Variants in MCU observed in about 807,000 individuals in gnomAD.
The protein encoded by MCU is calcium uniporter protein, mitochondrial.
A neutral mutation model predicts 45.2 loss-of-function variants in MCU; 12 were observed. The ratio of observed to expected loss-of-function variants is 0.27; its 90% CI spans 0.17 to 0.43. The LOEUF (loss-of-function observed/expected upper bound fraction) is 0.43. Among genes scored for constraint, MCU ranks in the 20% least tolerant of loss-of-function variants. The pLI, the probability that MCU is intolerant of heterozygous loss-of-function variation, is 1.00. For missense variants in MCU, 324 were observed against 436.7 expected (o/e 0.74, Z 2.30); for synonymous variants, 160 against 165.1 (o/e 0.97, Z 0.24).
intron 1 of MCU, among the ~76,000 whole-genome samples, chr10:72,806,405 C>G (rs1216562324): frequency 6.6e-6 from 1 of 152,146 alleles, no homozygotes; most frequent in Non-Finnish European, 1.5e-5. Context: ...GCTGATCCGC[C>G]CATCTTGGCC....
At chr10:72,697,908 T>C (rs1049200802) in intron 1 of MCU, among the ~76,000 whole-genome samples, 1 of 151,978 alleles carries the variant, frequency 6.6e-6, no homozygotes, top group African/African-American at 2.4e-5. Context: ...GCTGGGTATA[T>C]AGGCATGTGA....
At chr10:72,834,161 C>T (rs145667327) in intron 1 of MCU, among the ~76,000 whole-genome samples, 198 bp from the exon 2 acceptor site, 6 of 152,178 alleles carry the variant, frequency 3.9e-5, no homozygotes, top group African/African-American at 1.2e-4. Flanking sequence ...TGAAAACATA[C>T]CAAAATGTTC....
intron 1 of MCU, among the ~76,000 whole-genome samples, chr10:72,745,685 A>G (rs1410338706): frequency 6.6e-6 from 1 of 152,202 alleles, no homozygotes; most frequent in Non-Finnish European, 1.5e-5. Flanking sequence ...AATATGGTAT[A>G]TTACCATATA....
chr10:72,743,781 G>C (rs1280036177), intron 1 of MCU, among the ~76,000 whole-genome samples: 1 of 152,142 alleles, frequency 6.6e-6, no homozygotes, highest in Admixed American at 6.6e-5. Flanking sequence ...ATTTATATGT[G>C]TATGATGGAA....
intron 1 of MCU, among the ~76,000 whole-genome samples, chr10:72,802,031 A>G (rs139226291): frequency 2.0e-5 from 3 of 152,114 alleles, no homozygotes; most frequent in Non-Finnish European, 4.4e-5. Flanking sequence ...TAAGCCACCT[A>G]TGTGGTCTTT....
At chr10:72,746,396 TTTTAAC>T (rs1208286695) in intron 1 of MCU, among the ~76,000 whole-genome samples, 5 of 152,222 alleles carry the variant, frequency 3.3e-5, no homozygotes, top group African/African-American at 7.2e-5. Flanking sequence ...CGTACAGGCG[TTTTAAC>T]TTTAAGTAGA....
chr10:72,885,904 C>A lies in MCU; in HGVS notation c.*82C>A. ...AAGCATTGCAGGTGGAAGCTGGGAGCCATGTGGGGGGTAGAGCGTTTTTAC... is the reference window on the plus strand; with the variant it reads ...AAGCATTGCAGGTGGAAGCTGGGAGACATGTGGGGGGTAGAGCGTTTTTAC... On this transcript the variant is annotated 3_prime_UTR_variant, in exon 8 of 8. Coordinates refer to ENST00000373053, the MANE Select transcript of MCU (RefSeq NM_138357.3). 9.0e-7 allele frequency: 1 copy of A among 1,108,654 alleles called. No homozygotes were observed. Among genetic ancestry groups the A allele is most frequent in the Non-Finnish European group, 1.4e-6 (1 of 730,056 alleles). 68.7% of individuals were successfully genotyped at this position (1,108,654 alleles called of 1,614,324 possible).
chr10:72,785,690 G>C (rs139142659), intron 1 of MCU, among the ~76,000 whole-genome samples: 1 of 152,248 alleles, frequency 6.6e-6, no homozygotes, highest in African/African-American at 2.4e-5. Context: ...TCTGTAACTT[G>C]TATCTGTAGT....
chr10:72,792,776 A>G (rs1458550544), intron 1 of MCU, among the ~76,000 whole-genome samples: 1 of 141,224 alleles, frequency 7.1e-6, no homozygotes, highest in African/African-American at 2.6e-5. Flanking sequence ...TCTTCTCAGG[A>G]GTTTGCGTCA....
intron 1 of MCU, among the ~76,000 whole-genome samples, chr10:72,732,733 AT>A: frequency 6.6e-6 from 1 of 152,270 alleles, no homozygotes; most frequent in Non-Finnish European, 1.5e-5. Flanking sequence ...TAACATTTTG[AT>A]TATGTATTTG....
At chr10:72,718,845 T>C (rs1250321140) in intron 1 of MCU, among the ~76,000 whole-genome samples, 1 of 152,198 alleles carries the variant, frequency 6.6e-6, no homozygotes, top group Non-Finnish European at 1.5e-5. Flanking sequence ...TGCATGGTTC[T>C]CACAAATAAT....
intron 1 of MCU, among the ~76,000 whole-genome samples, chr10:72,751,501 T>A (rs558405924): frequency 6.7e-6 from 1 of 150,020 alleles, no homozygotes; most frequent in African/African-American, 2.5e-5. Context: ...ACTACAGGCA[T>A]GCACCACAAT....
chr10:72,714,071 G>C lies in MCU; in HGVS notation c.150+21770G>C, dbSNP rs188582036. Reference sequence around the variant, plus strand: ...AACCTCCGCATCCCTGGTTCAAGCAGTTCTCCTACCTCAGCCTCCCGAGTA... The same window carrying C: ...AACCTCCGCATCCCTGGTTCAAGCACTTCTCCTACCTCAGCCTCCCGAGTA... On this transcript the variant is annotated intron_variant, in intron 1 of 7. Transcript: ENST00000373053. Among the ~76,000 whole-genome samples the C allele has an allele frequency of 1.9e-4, 28 of 151,036 alleles. 1 individual carries two copies. Among genetic ancestry groups the C allele is most frequent in the Admixed American group, 1.1e-3 (17 of 15,100 alleles).
intron 1 of MCU, among the ~76,000 whole-genome samples, chr10:72,717,451 C>A (rs1289008679): frequency 6.6e-6 from 1 of 151,874 alleles, no homozygotes; most frequent in Non-Finnish European, 1.5e-5. Flanking sequence ...TAGAGACGGG[C>A]TTTCACCATG....
rs752415134 is a variant in MCU, at chr10:72,743,305, C to T, written c.150+51004C>T. ...GCGGGTGCTTGTAATCCCAGCTACTCGGGAGGCTGAGGCAGGAGAATCACT... is the reference window on the plus strand; with the variant it reads ...GCGGGTGCTTGTAATCCCAGCTACTTGGGAGGCTGAGGCAGGAGAATCACT... On this transcript the variant is annotated intron_variant, in intron 1 of 7. Transcript: ENST00000373053. Among the ~76,000 whole-genome samples, 6 of 142,102 alleles carry T rather than the reference C, an allele frequency of 4.2e-5. No homozygotes were observed. The South Asian group carries it at 7.0e-4, about 16-fold the overall frequency. The allele number at this position is 142,102 out of a possible 152,430, so 93.2% of individuals were successfully genotyped here. A position where few individuals can be genotyped will look rare whatever the true frequency, so the allele number is the denominator to read the frequency against.
chr10:72,860,396 G>T, intron 3 of MCU, 27 bp from the exon 4 acceptor site: 2 of 1,579,868 alleles, frequency 1.3e-6, no homozygotes, highest in South Asian at 2.2e-5. Context: ...ATGGACCTAT[G>T]ACAAGTTTCA....
chr10:72,788,480 G>C (rs1307580520), intron 1 of MCU, among the ~76,000 whole-genome samples: 1 of 152,178 alleles, frequency 6.6e-6, no homozygotes, highest in Non-Finnish European at 1.5e-5. Flanking sequence ...AAGAAACATA[G>C]CCAGGTATGG....
intron 4 of MCU, among the ~76,000 whole-genome samples, chr10:72,866,362 G>C (rs1374904834): frequency 2.0e-5 from 3 of 152,102 alleles, no homozygotes. Flanking sequence ...GAAATAGAAG[G>C]CACTAGGTTC....
At chr10:72,864,704 A>T (rs73288622) in intron 4 of MCU, among the ~76,000 whole-genome samples, 23 of 151,018 alleles carry the variant, frequency 1.5e-4, no homozygotes, top group Non-Finnish European at 2.7e-4. Context: ...GTGCCCCAAC[A>T]CCCCCGCCAC....
Sources: gnomAD v4.1 joint callset for allele counts (sites outside exome capture counted in the v4.1 genomes callset) on GRCh38, gnomAD v4.1.1 for gene constraint, MANE v1.5 for transcripts, NCBI Gene and HGNC (gene_info 2026-07-23, HGNC 2026-07-21) for gene names.